IWS1: variants seen among roughly 807,000 people sequenced by gnomAD.
The protein encoded by IWS1 is protein IWS1 homolog.
In IWS1, 27 loss-of-function variants were observed where a neutral mutation model predicts 86.7. That is an observed-to-expected ratio of 0.31 (90% CI 0.23 to 0.43). IWS1 has a LOEUF of 0.43. Ranked by LOEUF, IWS1 falls within the 20% of genes least tolerant of loss-of-function variation. The pLI is 1.00. For synonymous variants in IWS1, 313 were observed against 335.1 expected, an observed-to-expected ratio of 0.93 and a Z score of 0.72; for missense variants, 827 against 1,000.8, an observed-to-expected ratio of 0.83 and a Z score of 2.34.
intron 10 of IWS1, among the ~76,000 whole-genome samples, chr2:127,491,390 CCT>C (rs1462266018): frequency 1.3e-5 from 2 of 152,176 alleles, no homozygotes; most frequent in African/African-American, 4.8e-5. Flanking sequence ...CAATCTAACC[CCT>C]CTCTTTCTCC....
chr2:127,502,586 G>T, intron 5 of IWS1: 1 of 337,670 alleles, frequency 3.0e-6, no homozygotes, highest in Non-Finnish European at 5.4e-6. Context: ...GACTTTCTTT[G>T]TCTCAAAGTG....
intron 2 of IWS1, among the ~76,000 whole-genome samples, chr2:127,509,707 CAAAAAA>C (rs34526019): frequency 1.4e-3 from 80 of 55,480 alleles, no homozygotes; most frequent in African/African-American, 5.1e-3. Flanking sequence ...CACTCCATCT[CAAAAAA>C]AAAAAAAAAA....
In IWS1 at chr2:127,493,311, G is replaced by T; in HGVS notation, c.1899C>A (p.Ile633=). ...LPDRSLPALK[I]REELLKILQE... is the part of the protein sequence containing the mutation. ...GCAGGATCTTCAGCAGCTCCTCCCG[G>T]ATCTTGAGTGCAGGCAAACTCCTAT... Residue 633 remains isoleucine, a synonymous_variant, in exon 9 of 14, where the codon ATC becomes ATA. Coordinates refer to ENST00000295321, the MANE Select transcript of IWS1 (RefSeq NM_017969.3). 6.2e-7 allele frequency: 1 copy of T among 1,613,322 alleles called. No individual in the cohort carries two copies.
At chr2:127,483,675 G>C (rs1689781241) in intron 13 of IWS1, among the ~76,000 whole-genome samples, 1 of 150,086 alleles carries the variant, frequency 6.7e-6, no homozygotes, top group South Asian at 2.1e-4. Context: ...TCTCACCTAG[G>C]CTGGAGTGCA....
At chr2:127,494,245 TAAAA>T (rs11327472) in intron 8 of IWS1, among the ~76,000 whole-genome samples, 91 of 94,062 alleles carry the variant, frequency 9.7e-4, no homozygotes, top group African/African-American at 3.6e-3. Context: ...TGTCTCTAAT[TAAAA>T]AAAAAAAAAA....
At chr2:127,494,796 T>C (rs559587437) in intron 8 of IWS1, 76 bp downstream of exon 8, 116 of 752,044 alleles carry the variant, frequency 1.5e-4, no homozygotes, top group Non-Finnish European at 2.3e-4. Flanking sequence ...TTAATATTCC[T>C]AGAACACCAG....
upstream of IWS1, among the ~76,000 whole-genome samples, chr2:127,527,322 T>C (rs986228746): frequency 1.3e-5 from 2 of 152,218 alleles, no homozygotes; most frequent in Non-Finnish European, 2.9e-5. Context: ...GAGTGATTAG[T>C]TGAGATTAGA....
In IWS1 at chr2:127,526,218, A is replaced by C; in HGVS notation, c.-10T>G. ...AATATTCCGAGTCCATGGCAGGCGGACTCTCAGCGGGGAGTGTCCGCGCCC... is the reference window on the plus strand; with the variant it reads ...AATATTCCGAGTCCATGGCAGGCGGCCTCTCAGCGGGGAGTGTCCGCGCCC... On this transcript the variant is annotated 5_prime_UTR_variant, in exon 1 of 14. Transcript: ENST00000295321. 1 of 1,566,234 alleles carries C rather than the reference A, an allele frequency of 6.4e-7. No individual in the cohort carries two copies. Among genetic ancestry groups the C allele is most frequent in the Non-Finnish European group, 8.6e-7 (1 of 1,157,626 alleles).
Position 127,486,664 on chromosome 2 carries a change from C to A in IWS1, c.2217G>T (p.Lys739Asn). The A allele has an allele frequency of 3.1e-6, 5 of 1,612,412 alleles. No individual in the cohort carries two copies. The highest frequency in any genetic ancestry group is 4.2e-6 in the Non-Finnish European group (5 of 1,178,516). Reference protein sequence around the residue: ...DLEKVLTGEEKALRPGDPGFC... With the variant: ...DLEKVLTGEENALRPGDPGFC... ...ATCCAGGATCTCCAGGTCTAAGAGC[C>A]CTGAAAAAGGGAAGAGGAAGAGCAT... is the stretch of plus-strand genomic sequence containing the variant. Residue 739 changes from lysine to asparagine, a missense_variant and splice_region_variant, in exon 13 of 14, where the codon AAG becomes AAT. Physicochemically the swap from Lys to Asn is moderately conservative, Grantham distance 94. Coordinates refer to ENST00000295321, the MANE Select transcript of IWS1 (RefSeq NM_017969.3).
chr2:127,497,073 C>CA (rs1690550164), intron 6 of IWS1, among the ~76,000 whole-genome samples: 2 of 151,662 alleles, frequency 1.3e-5, no homozygotes, highest in South Asian at 4.2e-4. Flanking sequence ...GATACAACAA[C>CA]AAAATCACCT....
At chr2:127,504,138 A>T (rs1224845462) in intron 3 of IWS1, among the ~76,000 whole-genome samples, 2 of 152,254 alleles carry the variant, frequency 1.3e-5, no homozygotes, top group African/African-American at 4.8e-5. Flanking sequence ...AAAAGTAGAC[A>T]AGTAATACTA....
intron 2 of IWS1, among the ~76,000 whole-genome samples, chr2:127,522,718 C>T (rs1349904407): frequency 6.6e-6 from 1 of 152,114 alleles, no homozygotes; most frequent in Non-Finnish European, 1.5e-5. Context: ...TTTATCATTC[C>T]TATTTGTTTC....
At chr2:127,524,967 C>T (rs1692314243) in intron 1 of IWS1, among the ~76,000 whole-genome samples, 1 of 152,036 alleles carries the variant, frequency 6.6e-6, no homozygotes, top group African/African-American at 2.4e-5. Flanking sequence ...CCGCTCACTG[C>T]AACCTCTGCC....
intron 2 of IWS1, 47 bp downstream of exon 2, chr2:127,523,629 C>A: frequency 8.1e-7 from 1 of 1,239,764 alleles, no homozygotes. Context: ...ACAGATCTCA[C>A]AGAACGCAAG....
chr2:127,522,178 T>G (rs2104745974), intron 2 of IWS1, among the ~76,000 whole-genome samples: 1 of 152,324 alleles, frequency 6.6e-6, no homozygotes, highest in East Asian at 1.9e-4. Flanking sequence ...TCAGTTCCAC[T>G]GGCTCCTTGA....
In IWS1 at chr2:127,492,451, C is replaced by T. The variant is rs968304389; in HGVS notation, c.1930-363G>A. Among the ~76,000 whole-genome samples, 3 of 151,870 alleles carry T rather than the reference C, an allele frequency of 2.0e-5. 1 individual carries two copies. Among genetic ancestry groups the T allele is most frequent in the South Asian group, 4.2e-4 (2 of 4,814 alleles). ...ATCCCAGCTACTCGGGAGGCTGAGG[C>T]AGGAGAATCGCTTGAACCTAGGAAG... On this transcript the variant is annotated intron_variant, in intron 9 of 13. Coordinates refer to ENST00000295321, the MANE Select transcript of IWS1 (RefSeq NM_017969.3).
intron 5 of IWS1, among the ~76,000 whole-genome samples, chr2:127,500,355 C>T (rs1419049467): frequency 1.3e-5 from 2 of 152,082 alleles, no homozygotes; most frequent in Non-Finnish European, 2.9e-5. Flanking sequence ...AGATTATGGA[C>T]TTGTCCATTT....
Position 127,498,185 on chromosome 2 carries a change from T to G in IWS1, c.1520A>C (p.Glu507Ala). Residue 507 changes from glutamate to alanine, a missense_variant, in exon 6 of 14, where the codon GAA becomes GCA. Glu to Ala is a moderately radical substitution (Grantham distance 107). This residue lies in a region of IWS1 where 279 missense variants were observed against 440.6 expected (regional missense o/e 0.63). Transcript: ENST00000295321. ...ATCATCAGAATCTGAATCTTCTGCTTCTTTTACCTGTGTTTCACCTTTTTC... is the reference window on the plus strand; with the variant it reads ...ATCATCAGAATCTGAATCTTCTGCTGCTTTTACCTGTGTTTCACCTTTTTC... ...EEEKGETQVK[E>A]AEDSDSDDNI... 1 of 1,590,936 alleles carries G rather than the reference T, an allele frequency of 6.3e-7. No individual in the cohort carries two copies. The highest frequency in any genetic ancestry group is 8.6e-7 in the Non-Finnish European group (1 of 1,159,088).
Position 127,502,764 on chromosome 2 carries a change from A to C in IWS1, c.1467+51T>G. On this transcript the variant is annotated intron_variant, in intron 5 of 13. Coordinates refer to ENST00000295321, the MANE Select transcript of IWS1 (RefSeq NM_017969.3). ...CTATAATGGTATCACTGCCATAAAA[A>C]CACCAAAAAAAAGCACAATCAAGGA... 3.0e-6 allele frequency: 3 copies of C among 986,816 alleles called. No individual in the cohort carries two copies. In the South Asian group the frequency reaches 4.0e-5, roughly 13 times the overall value. The allele number at this position is 986,816 out of a possible 1,614,324, so 61.1% of individuals were successfully genotyped here. A position where few individuals can be genotyped will look rare whatever the true frequency, so the allele number is the denominator to read the frequency against.
Sources: allele counts gnomAD v4.1 joint callset (sites outside exome capture counted in the v4.1 genomes callset), GRCh38; gene constraint gnomAD v4.1.1; regional missense constraint gnomAD v4.1.1; transcripts MANE v1.5; gene names NCBI Gene and HGNC (gene_info 2026-07-23, HGNC 2026-07-21).